Variants in MED13L observed in about 807,000 individuals in gnomAD.
The protein encoded by MED13L is mediator complex subunit 13L, also known as mediator of RNA polymerase II transcription subunit 13-like.
In MED13L, 7 loss-of-function variants were observed where a neutral mutation model predicts 220.9. That is an observed-to-expected ratio of 0.03 (90% CI 0.02 to 0.06). The LOEUF (loss-of-function observed/expected upper bound fraction) is 0.06. Among genes scored for constraint, MED13L ranks in the 10% least tolerant of loss-of-function variants. The pLI, the probability that MED13L is intolerant of heterozygous loss-of-function variation, is 1.00. For missense variants in MED13L, 1,965 were observed against 2,760.5 expected, an observed-to-expected ratio of 0.71 and a Z score of 6.46; for synonymous variants, 1,011 against 1,015.2, an observed-to-expected ratio of 1.00 and a Z score of 0.08.
In MED13L at chr12:116,008,733, G is replaced by A; in HGVS notation, c.1680C>T (p.Ser560=). 1 of 1,614,036 alleles carries A rather than the reference G, an allele frequency of 6.2e-7. No individual in the cohort carries two copies. Among genetic ancestry groups the A allele is most frequent in the Non-Finnish European group, 8.5e-7 (1 of 1,180,000 alleles). ...CTGTTTCCTGACCTCGTGGCTGAGG[G>A]CTGAGTGTTGGTGGCAGAGGGGATA... ...SPISPLPPTL[S]PQPRGQETES... The change falls in exon 10 of 31, where the codon AGC becomes AGT. Residue 560 remains serine, a synonymous_variant. Transcript: ENST00000281928.
chr12:116,096,589 G>A, intron 4 of MED13L, 80 bp downstream of exon 4: 1 of 1,020,214 alleles, frequency 9.8e-7, no homozygotes, highest in South Asian at 1.3e-5. Context: ...ACATTATTAG[G>A]AAATAAATAA....
In MED13L at chr12:115,959,735, C is replaced by T. The variant is rs1875643402; in HGVS notation, c.*1531G>A. On this transcript the variant is annotated 3_prime_UTR_variant, in exon 31 of 31. Coordinates refer to ENST00000281928, the MANE Select transcript of MED13L (RefSeq NM_015335.5). ...TTTACAAGTTATTTCTCTGCTTTCA[C>T]ATTCCCACCACACAACTTTTTTTTT... is the stretch of plus-strand genomic sequence containing the variant. 1 of 152,636 alleles carries T rather than the reference C, an allele frequency of 6.6e-6. No homozygotes were observed. Among genetic ancestry groups the T allele is most frequent in the Admixed American group, 6.5e-5 (1 of 15,278 alleles). The allele number at this position is 152,636 out of a possible 1,614,324, so 9.5% of individuals were successfully genotyped here.
intron 2 of MED13L, among the ~76,000 whole-genome samples, chr12:116,167,076 A>T (rs2138164536): frequency 6.6e-6 from 1 of 152,318 alleles, no homozygotes; most frequent in South Asian, 2.1e-4. Flanking sequence ...TAAAATCTTT[A>T]AAAACCAGAC....
intron 20 of MED13L, among the ~76,000 whole-genome samples, chr12:115,983,967 T>C (rs975778714): frequency 2.6e-5 from 4 of 152,210 alleles, no homozygotes; most frequent in African/African-American, 9.7e-5. Context: ...GTGCAGTAAT[T>C]AGACATGATT....
intron 2 of MED13L, among the ~76,000 whole-genome samples, chr12:116,126,499 G>A (rs1301538351): frequency 6.6e-6 from 1 of 152,136 alleles, no homozygotes; most frequent in Admixed American, 6.5e-5. Flanking sequence ...TCCATCTCCA[G>A]TCTCAACCAG....
intron 2 of MED13L, among the ~76,000 whole-genome samples, chr12:116,147,726 G>A (rs1877647031): frequency 6.6e-6 from 1 of 151,608 alleles, no homozygotes; most frequent in East Asian, 1.9e-4. Context: ...AGAACGGTTG[G>A]GTATTTACAC....
intron 7 of MED13L, among the ~76,000 whole-genome samples, chr12:116,017,372 C>CA (rs1420011694): frequency 2.6e-5 from 4 of 152,046 alleles, no homozygotes; most frequent in African/African-American, 4.8e-5. Context: ...CAAGGCAAAA[C>CA]AAAAACAAAC....
chr12:116,244,158 G>A (rs1430491577), intron 1 of MED13L, among the ~76,000 whole-genome samples: 7 of 152,082 alleles, frequency 4.6e-5, no homozygotes, highest in East Asian at 1.9e-4. Flanking sequence ...ATTCCAAGTC[G>A]GCCTCACCTC....
intron 2 of MED13L, among the ~76,000 whole-genome samples, chr12:116,179,048 A>G (rs1287108466): frequency 1.3e-5 from 2 of 152,226 alleles, no homozygotes; most frequent in Non-Finnish European, 2.9e-5. Flanking sequence ...TCACAAATAT[A>G]ACTTCTGTAT....
chr12:116,210,551 CTATATATATATATATA>C (rs3043762), intron 2 of MED13L, among the ~76,000 whole-genome samples: 6 of 113,640 alleles, frequency 5.3e-5, no homozygotes, highest in East Asian at 2.7e-4. Context: ...AGAACGTAAC[CTATATATATATATATA>C]TATATATATA....
At chr12:116,030,451 TA>T (rs2137486095) in intron 4 of MED13L, among the ~76,000 whole-genome samples, 1 of 152,272 alleles carries the variant, frequency 6.6e-6, no homozygotes, top group Admixed American at 6.5e-5. Context: ...TACTTACAAG[TA>T]ATTTATATCC....
intron 4 of MED13L, among the ~76,000 whole-genome samples, chr12:116,039,635 T>A (rs936282702): frequency 1.3e-5 from 2 of 152,032 alleles, no homozygotes; most frequent in African/African-American, 2.4e-5. Context: ...TATTTTGAGA[T>A]CACTTTAGGT....
At chr12:116,037,756 T>C (rs146841890) in intron 4 of MED13L, among the ~76,000 whole-genome samples, 94 of 152,292 alleles carry the variant, frequency 6.2e-4, no homozygotes, top group Admixed American at 5.8e-3. Context: ...CTACGGGACT[T>C]AATTCTCCCT....
At chr12:116,157,238 A>T (rs1295202637) in intron 2 of MED13L, among the ~76,000 whole-genome samples, 1 of 152,152 alleles carries the variant, frequency 6.6e-6, no homozygotes, top group Non-Finnish European at 1.5e-5. Flanking sequence ...AGTATACTAC[A>T]CTAAGATTTA....
At chr12:116,023,401 AAACATCTCGTAAG>A (rs980538592) in intron 4 of MED13L, among the ~76,000 whole-genome samples, 5 of 152,188 alleles carry the variant, frequency 3.3e-5, no homozygotes, top group African/African-American at 1.2e-4. Flanking sequence ...CCATTTCTCA[AAACATCTCGTAAG>A]AACATTTTCC....
intron 2 of MED13L, among the ~76,000 whole-genome samples, chr12:116,135,619 T>C (rs1275273889): frequency 6.6e-6 from 1 of 152,182 alleles, no homozygotes; most frequent in African/African-American, 2.4e-5. Context: ...AAAGGATAAC[T>C]GGAGCAAGTG....
chr12:116,233,090 GAAAAAAAAA>G (rs530903194), intron 2 of MED13L, among the ~76,000 whole-genome samples: 1 of 82,952 alleles, frequency 1.2e-5, no homozygotes, highest in Non-Finnish European at 2.5e-5. Context: ...CTGTCTAAAG[GAAAAAAAAA>G]AAAAAAAAAA....
intron 2 of MED13L, among the ~76,000 whole-genome samples, chr12:116,164,203 T>TG (rs1879082001): frequency 6.6e-6 from 1 of 152,144 alleles, no homozygotes; most frequent in Non-Finnish European, 1.5e-5. Context: ...CCAAGACACA[T>TG]GAAAGTGCAT....
intron 2 of MED13L, among the ~76,000 whole-genome samples, chr12:116,206,292 G>A (rs1204862953): frequency 2.6e-5 from 4 of 151,846 alleles, no homozygotes; most frequent in East Asian, 1.9e-4. Flanking sequence ...TGTTGGCCAG[G>A]CTAGTCTCGA....
Sources: gnomAD v4.1 joint callset for allele counts (sites outside exome capture counted in the v4.1 genomes callset) on GRCh38, gnomAD v4.1.1 for gene constraint, MANE v1.5 for transcripts, NCBI Gene and HGNC (gene_info 2026-07-23, HGNC 2026-07-21) for gene names.